The following DNAAF9 variants were observed in gnomAD, a reference collection of about 807,000 sequenced individuals.
The protein encoded by DNAAF9 is shulin.
DNAAF9 carries 90 observed loss-of-function variants against 167.0 expected under a neutral mutation model. The ratio of observed to expected loss-of-function variants is 0.54; its 90% CI spans 0.45 to 0.64. DNAAF9 has a LOEUF of 0.64. DNAAF9 is among the 30% of genes least tolerant of loss of function. The pLI is 0.00. For synonymous variants in DNAAF9, 491 were observed against 508.8 expected (o/e 0.96, Z 0.47); for missense variants, 1,315 against 1,442.2 (o/e 0.91, Z 1.43).
intron 12 of DNAAF9, among the ~76,000 whole-genome samples, chr20:3,329,217 C>CA (rs57476484): frequency 0.25 from 37,943 of 151,908 alleles, 5,325 homozygotes; most frequent in African/African-American, 0.37. Context: ...ACCCAGGCTG[C>CA]GTGTAGTGGT....
chr20:3,330,692 A>T lies in DNAAF9; in HGVS notation c.1064-10T>A. On this transcript the variant is annotated splice_polypyrimidine_tract_variant and intron_variant, in intron 11 of 36. Transcript: ENST00000252032. ...AGCTTGCTGTCACCACCTGTGAAAG[A>T]GGCCCACTAAGAATGTGACAAGAGC... The T allele has an allele frequency of 6.4e-7, 1 of 1,569,680 alleles. No homozygotes were observed. Among genetic ancestry groups the T allele is most frequent in the Non-Finnish European group, 8.8e-7 (1 of 1,142,224 alleles).
chr20:3,252,730 G>T, intron 36 of DNAAF9, 46 bp from the exon 37 acceptor site: 1 of 1,168,730 alleles, frequency 8.6e-7, no homozygotes, highest in Non-Finnish European at 1.3e-6. Context: ...GAGGACAAGG[G>T]AGGCTGCCTG....
intron 27 of DNAAF9, 58 bp from the exon 28 acceptor site, chr20:3,281,824 A>G: frequency 1.3e-6 from 2 of 1,553,752 alleles, no homozygotes; most frequent in African/African-American, 1.4e-5. Flanking sequence ...AAGTGGAGGA[A>G]GAGGGGAATC....
In DNAAF9 at chr20:3,306,380, C is replaced by T. The variant is rs114181962; in HGVS notation, c.1679-1837G>A. 2.7e-3 allele frequency among the ~76,000 whole-genome samples: 414 copies of T among 152,324 alleles called. 1 individual carries two copies. Among genetic ancestry groups the T allele is most frequent in the African/African-American group, 9.3e-3 (388 of 41,568 alleles). On this transcript the variant is annotated intron_variant, in intron 20 of 36. Coordinates refer to ENST00000252032, the MANE Select transcript of DNAAF9 (RefSeq NM_001009984.3). ...CACATCAAGGGCAGATCCTCTGGGA[C>T]AGGACTTAACCTTTAATCTTTGTTC...
At chr20:3,307,006 G>C (rs1304858862) in intron 20 of DNAAF9, 4 of 985,308 alleles carry the variant, frequency 4.1e-6, no homozygotes, top group Non-Finnish European at 4.8e-6. Flanking sequence ...CTTTTGAAGT[G>C]AACCTTTTTA....
rs114181492 is a variant in DNAAF9, at chr20:3,407,357, C to G, written c.83+118G>C. 2.5e-3 allele frequency: 2,241 copies of G among 887,654 alleles called. 35 individuals carry two copies. The African/African-American group carries it at 0.036, about 14-fold the overall frequency. 55.0% of individuals were successfully genotyped at this position (887,654 alleles called of 1,614,324 possible). A position where few individuals can be genotyped will look rare whatever the true frequency, so the allele number is the denominator to read the frequency against. ...AAAAATTCCTCCCTGAGCCGTTCAG[C>G]AAAGAACCGTCCCGAGGAAGCCATG... is the stretch of plus-strand genomic sequence containing the variant. On this transcript the variant is annotated intron_variant, in intron 1 of 36. Coordinates refer to ENST00000252032, the MANE Select transcript of DNAAF9 (RefSeq NM_001009984.3).
intron 1 of DNAAF9, among the ~76,000 whole-genome samples, chr20:3,393,846 C>T (rs1256051779): frequency 6.6e-6 from 1 of 152,166 alleles, no homozygotes; most frequent in Non-Finnish European, 1.5e-5. Context: ...TATGTGTTAC[C>T]ACTCTTCAAC....
intron 30 of DNAAF9, among the ~76,000 whole-genome samples, chr20:3,269,108 C>T (rs560056922): frequency 4.6e-5 from 7 of 151,432 alleles, no homozygotes; most frequent in Admixed American, 2.6e-4. Context: ...GGGGTTCCAC[C>T]GTGTTAACAA....
At chr20:3,368,640 G>C (rs1251457885) in intron 6 of DNAAF9, among the ~76,000 whole-genome samples, 1 of 151,656 alleles carries the variant, frequency 6.6e-6, no homozygotes, top group Admixed American at 6.6e-5. Flanking sequence ...AGCCTCCCGA[G>C]TAGCTGGGAC....
intron 6 of DNAAF9, among the ~76,000 whole-genome samples, chr20:3,362,522 T>C (rs1848932766): frequency 6.6e-6 from 1 of 152,158 alleles, no homozygotes; most frequent in South Asian, 2.1e-4. Flanking sequence ...GTTTTTTTTC[T>C]ACCAGCCCCA....
At chr20:3,403,966 C>A (rs1197748842) in intron 1 of DNAAF9, among the ~76,000 whole-genome samples, 1 of 152,020 alleles carries the variant, frequency 6.6e-6, no homozygotes, top group Non-Finnish European at 1.5e-5. Context: ...CCCACTGCAC[C>A]AAAACTGTTC....
At chr20:3,370,869 A>C (rs78608076) in intron 6 of DNAAF9, among the ~76,000 whole-genome samples, 1 of 151,982 alleles carries the variant, frequency 6.6e-6, no homozygotes, top group Non-Finnish European at 1.5e-5. Context: ...CCTCCACCCA[A>C]ATCTCTTCTT....
At chr20:3,394,949 CTTTTTTTTTTTTTTTTTTTTT>C (rs10522445) in intron 1 of DNAAF9, among the ~76,000 whole-genome samples, 20 of 102,136 alleles carry the variant, frequency 2.0e-4, no homozygotes, top group Admixed American at 1.6e-3. Context: ...TTTCTTTTTT[CTTTTTTTTTTTTTTTTTTTTT>C]TTTTTTTTTT....
intron 33 of DNAAF9, among the ~76,000 whole-genome samples, chr20:3,257,702 C>A (rs2068305657): frequency 6.6e-6 from 1 of 151,850 alleles, no homozygotes; most frequent in African/African-American, 2.4e-5. Flanking sequence ...TGCCACCATG[C>A]CCGGCTAATT....
intron 6 of DNAAF9, among the ~76,000 whole-genome samples, chr20:3,367,885 G>T (rs2083449998): frequency 6.7e-6 from 1 of 148,730 alleles, no homozygotes; most frequent in Admixed American, 6.7e-5. Context: ...CTTGCTGGAT[G>T]CAGGCTGCCA....
intron 3 of DNAAF9, among the ~76,000 whole-genome samples, chr20:3,377,464 C>CT: frequency 6.7e-6 from 1 of 149,860 alleles, no homozygotes; most frequent in African/African-American, 2.5e-5. Context: ...GATCTGTTTT[C>CT]TTTCTTTTTT....
At chr20:3,370,410 C>T (rs149963355) in intron 6 of DNAAF9, among the ~76,000 whole-genome samples, 1 of 147,958 alleles carries the variant, frequency 6.8e-6, no homozygotes, top group Non-Finnish European at 1.5e-5. Flanking sequence ...CACTGTGCCT[C>T]GCTAATTTTT....
At chr20:3,375,946 T>C (rs914899837) in intron 4 of DNAAF9, among the ~76,000 whole-genome samples, 36 of 152,164 alleles carry the variant, frequency 2.4e-4, no homozygotes, top group Admixed American at 2.4e-3. Context: ...GTTAAGTTCA[T>C]AAACTTACCA....
intron 6 of DNAAF9, among the ~76,000 whole-genome samples, chr20:3,360,778 CTG>C (rs1209859675): frequency 2.6e-5 from 4 of 152,198 alleles, no homozygotes; most frequent in African/African-American, 9.7e-5. Flanking sequence ...CATGAAAGCC[CTG>C]TTTAAAACTT....
Sources: gnomAD v4.1 joint callset for allele counts (sites outside exome capture counted in the v4.1 genomes callset) on GRCh38, gnomAD v4.1.1 for gene constraint, MANE v1.5 for transcripts, NCBI Gene and HGNC (gene_info 2026-07-23, HGNC 2026-07-21) for gene names.